The following RBFOX3 variants were observed in gnomAD, a reference collection of about 807,000 sequenced individuals.
RBFOX3 encodes RNA binding fox-1 homolog 3.
RBFOX3 carries 17 observed loss-of-function variants against 48.7 expected under a neutral mutation model. The observed-to-expected ratio is 0.35, with a 90% CI of 0.24 to 0.52. RBFOX3 has a LOEUF of 0.52. Among genes scored for constraint, RBFOX3 ranks in the 20% least tolerant of loss-of-function variants. The probability of loss-of-function intolerance (pLI) is 0.94; values close to 1 mark genes in which losing one functional copy is unlikely to be tolerated. For synonymous variants in RBFOX3, 212 were observed against 209.5 expected (o/e 1.01, Z -0.10); for missense variants, 382 against 497.5 (o/e 0.77, Z 2.21).
intron 2 of RBFOX3, among the ~76,000 whole-genome samples, chr17:79,464,417 G>C (rs1322815664): frequency 6.6e-6 from 1 of 152,236 alleles, no homozygotes; most frequent in Non-Finnish European, 1.5e-5. Context: ...TGCCCATCAA[G>C]GCGGAGCAGG....
At chr17:79,474,724 C>T (rs950200798) in intron 2 of RBFOX3, among the ~76,000 whole-genome samples, 4 of 152,170 alleles carry the variant, frequency 2.6e-5, no homozygotes, top group Admixed American at 2.0e-4. Context: ...CAGCCCTGGA[C>T]TCTTACCTCC....
intron 3 of RBFOX3, among the ~76,000 whole-genome samples, chr17:79,285,272 G>A (rs1221499818): frequency 6.6e-6 from 1 of 152,196 alleles, no homozygotes; most frequent in Admixed American, 6.5e-5. Context: ...GGATAGACAA[G>A]CTGCAGTTAA....
At chr17:79,285,196 C>T (rs889332374) in intron 3 of RBFOX3, among the ~76,000 whole-genome samples, 1 of 152,200 alleles carries the variant, frequency 6.6e-6, no homozygotes, top group African/African-American at 2.4e-5. Context: ...GGGCTGTAAC[C>T]CTCTCCTCGC....
intron 4 of RBFOX3, among the ~76,000 whole-genome samples, chr17:79,190,767 C>A (rs993065299): frequency 1.3e-5 from 2 of 152,330 alleles, no homozygotes; most frequent in Middle Eastern, 3.4e-3. Flanking sequence ...GAAGCCACTG[C>A]CGCTCCCTGT....
intron 2 of RBFOX3, among the ~76,000 whole-genome samples, chr17:79,459,081 C>T (rs1555747041): frequency 6.6e-6 from 1 of 152,230 alleles, no homozygotes; most frequent in South Asian, 2.1e-4. Context: ...ACCAGCTCTG[C>T]AGCCCAGGCA....
At chr17:79,420,270 C>T (rs782762260) in intron 2 of RBFOX3, among the ~76,000 whole-genome samples, 2 of 152,038 alleles carry the variant, frequency 1.3e-5, no homozygotes, top group Admixed American at 6.6e-5. Flanking sequence ...GTCCCTTTAA[C>T]GTGGAAATGG....
At chr17:79,518,310 C>T (rs975851367) in intron 1 of RBFOX3, among the ~76,000 whole-genome samples, 51 of 152,306 alleles carry the variant, frequency 3.3e-4, no homozygotes, top group Admixed American at 6.5e-4. Flanking sequence ...CTTTCAAGCG[C>T]ACAGACCCAC....
Position 79,477,355 on chromosome 17 carries a change from G to C in RBFOX3, c.-175+5099C>G, listed in dbSNP as rs1252285474. 6.6e-6 allele frequency among the ~76,000 whole-genome samples: 1 copy of C among 150,486 alleles called. No individual in the cohort carries two copies. Among genetic ancestry groups the C allele is most frequent in the Non-Finnish European group, 1.5e-5 (1 of 67,790 alleles). ...GTGGATCACGAGGTCAGGAGATCGAGATCATCCTGGCTAACACGGTGAAAC... is the reference window on the plus strand; with the variant it reads ...GTGGATCACGAGGTCAGGAGATCGACATCATCCTGGCTAACACGGTGAAAC... On this transcript the variant is annotated intron_variant, in intron 2 of 14. Coordinates refer to ENST00000693108, the MANE Select transcript of RBFOX3 (RefSeq NM_001350451.2). This position sits in a 1 kb window ranked among gnomAD's most constrained non-coding sequence, Gnocchi z 4.8.
intron 3 of RBFOX3, among the ~76,000 whole-genome samples, chr17:79,250,623 C>A (rs1295386053): frequency 1.3e-5 from 2 of 152,150 alleles, no homozygotes; most frequent in Non-Finnish European, 2.9e-5. Flanking sequence ...GCTTCATATG[C>A]CCTCCCAGGC....
intron 3 of RBFOX3, among the ~76,000 whole-genome samples, chr17:79,256,975 A>G (rs1269733756): frequency 6.6e-6 from 1 of 152,018 alleles, no homozygotes; most frequent in African/African-American, 2.4e-5. Context: ...AAAGAAAAAG[A>G]AAAGGAAAGA....
chr17:79,179,299 G>T (rs185643595), intron 4 of RBFOX3, among the ~76,000 whole-genome samples: 1 of 152,222 alleles, frequency 6.6e-6, no homozygotes, highest in Non-Finnish European at 1.5e-5. Flanking sequence ...CAGAGGGAAC[G>T]TGCTCTGCCA....
intron 4 of RBFOX3, among the ~76,000 whole-genome samples, chr17:79,228,780 C>T (rs1443768942): frequency 6.6e-6 from 1 of 152,186 alleles, no homozygotes; most frequent in African/African-American, 2.4e-5. Context: ...TCCCCCATCA[C>T]AGTAGCCTAA....
At chr17:79,449,561 G>A (rs1452211876) in intron 2 of RBFOX3, among the ~76,000 whole-genome samples, 4 of 151,224 alleles carry the variant, frequency 2.6e-5, no homozygotes, top group Non-Finnish European at 5.9e-5. Context: ...ATTAAGGTCA[G>A]TTTTCATCAT....
intron 4 of RBFOX3, among the ~76,000 whole-genome samples, chr17:79,191,338 ACT>A (rs972050382): frequency 2.6e-5 from 4 of 152,022 alleles, no homozygotes; most frequent in African/African-American, 9.7e-5. Flanking sequence ...AACCTGAAAG[ACT>A]CTGGAAAAAG....
chr17:79,209,988 C>G (rs1324328896), intron 4 of RBFOX3, among the ~76,000 whole-genome samples: 1 of 124,090 alleles, frequency 8.1e-6, no homozygotes, highest in African/African-American at 2.9e-5. Flanking sequence ...CAGAGCAAGA[C>G]TCCATCTCAA....
intron 1 of RBFOX3, among the ~76,000 whole-genome samples, chr17:79,584,858 C>T (rs911001662): frequency 7.9e-5 from 12 of 152,050 alleles, no homozygotes; most frequent in Non-Finnish European, 1.0e-4. Context: ...CTCCACCTCC[C>T]GGGTTCACGC....
intron 2 of RBFOX3, among the ~76,000 whole-genome samples, chr17:79,373,117 G>A (rs922756252): frequency 1.3e-5 from 2 of 152,266 alleles, no homozygotes; most frequent in Admixed American, 6.5e-5. Flanking sequence ...CAGGGGTGAC[G>A]GCAGGGGAGC....
In RBFOX3 at chr17:79,198,064, G is replaced by A. The variant is rs1423328646; in HGVS notation, c.-34+37702C>T. On this transcript the variant is annotated intron_variant, in intron 4 of 14. Transcript: ENST00000693108. The surrounding 1 kb of genome is among the most constrained non-coding windows in gnomAD (Gnocchi z 8.2). ...TCTGTCTGCGTCAGGAGAGTCGTGTGGGGTGGGCTTGTCATCCCGGAAGTG... is the reference window on the plus strand; with the variant it reads ...TCTGTCTGCGTCAGGAGAGTCGTGTAGGGTGGGCTTGTCATCCCGGAAGTG... Among the ~76,000 whole-genome samples the A allele has an allele frequency of 1.4e-5, 2 of 140,126 alleles. No homozygotes were observed. Among genetic ancestry groups the A allele is most frequent in the African/African-American group, 5.7e-5 (2 of 35,348 alleles). The allele number at this position is 140,126 out of a possible 152,430, so 91.9% of individuals were successfully genotyped here. A position where few individuals can be genotyped will look rare whatever the true frequency, so the allele number is the denominator to read the frequency against.
chr17:79,386,061 C>A (rs2060518733), intron 2 of RBFOX3, among the ~76,000 whole-genome samples: 1 of 151,372 alleles, frequency 6.6e-6, no homozygotes, highest in East Asian at 2.0e-4. Flanking sequence ...GAAAGAGGCT[C>A]CATCACCCTC....
Sources: gnomAD v4.1 joint callset for allele counts (sites outside exome capture counted in the v4.1 genomes callset) on GRCh38, gnomAD v4.1.1 for gene constraint, Gnocchi (gnomAD v3.1) non-coding constraint, MANE v1.5 for transcripts, NCBI Gene and HGNC (gene_info 2026-07-23, HGNC 2026-07-21) for gene names.